The following PTPN13 variants were observed in gnomAD, a reference collection of about 807,000 sequenced individuals.
The protein encoded by PTPN13 is protein tyrosine phosphatase non-receptor type 13.
Under a neutral mutation model 284.0 loss-of-function variants are expected in PTPN13, and 191 were observed. The observed-to-expected ratio is 0.67, with a 90% CI of 0.60 to 0.76. The LOEUF is 0.76. Among genes scored for constraint, PTPN13 ranks in the 30% least tolerant of loss-of-function variants. PTPN13 has a pLI of 0.00. For missense variants in PTPN13, 2,797 were observed against 2,939.9 expected, an observed-to-expected ratio of 0.95 and a Z score of 1.12; for synonymous variants, 986 against 1,022.3, an observed-to-expected ratio of 0.96 and a Z score of 0.68.
At chr4:86,649,304 C>T (rs936431538) in intron 2 of PTPN13, among the ~76,000 whole-genome samples, 4 of 152,098 alleles carry the variant, frequency 2.6e-5, no homozygotes, top group East Asian at 3.8e-4. Flanking sequence ...TCTTTGTGCA[C>T]GCCAGTGACC....
At chr4:86,705,190 C>T (rs1467444062) in intron 7 of PTPN13, among the ~76,000 whole-genome samples, 1 of 151,848 alleles carries the variant, frequency 6.6e-6, no homozygotes, top group African/African-American at 2.4e-5. Flanking sequence ...AAAAATTAGC[C>T]TGGTGTGGTG....
intron 12 of PTPN13, among the ~76,000 whole-genome samples, chr4:86,733,875 A>G (rs1388306970): frequency 2.0e-5 from 3 of 152,194 alleles, no homozygotes; most frequent in African/African-American, 7.2e-5. Flanking sequence ...TAAGTATACT[A>G]GCTAATATTT....
chr4:86,761,644 A>G (rs1482459808), intron 23 of PTPN13, among the ~76,000 whole-genome samples: 2 of 152,216 alleles, frequency 1.3e-5, no homozygotes. Flanking sequence ...ATTAAACTGC[A>G]GGTCCCTGAG....
intron 5 of PTPN13, among the ~76,000 whole-genome samples, chr4:86,692,104 T>G (rs1730090448): frequency 6.6e-6 from 1 of 152,200 alleles, no homozygotes; most frequent in Non-Finnish European, 1.5e-5. Context: ...ATTTATAATA[T>G]GAGGATAATA....
chr4:86,716,498 G>A (rs747657931), intron 7 of PTPN13, 32 bp from the exon 8 acceptor site: 1 of 1,305,156 alleles, frequency 7.7e-7, no homozygotes, highest in Non-Finnish European at 1.1e-6. Flanking sequence ...TAATGAGTTT[G>A]CTTTCTAATC....
rs564248193 is a variant in PTPN13, at chr4:86,758,134, T to C, written c.3224-126T>C. On this transcript the variant is annotated intron_variant, in intron 20 of 47. Transcript: ENST00000411767. ...TAAAATGTTAACAGTATCAGTAAAC[T>C]TAAAATATATGTTTAAGTGACTGAG... The C allele has an allele frequency of 3.6e-5, 20 of 563,242 alleles. 1 individual carries two copies. The South Asian group carries it at 6.7e-4, about 19-fold the overall frequency. 34.9% of individuals were successfully genotyped at this position (563,242 alleles called of 1,614,324 possible). A position where few individuals can be genotyped will look rare whatever the true frequency, so the allele number is the denominator to read the frequency against.
intron 7 of PTPN13, among the ~76,000 whole-genome samples, chr4:86,707,023 C>G (rs2149032679): frequency 6.6e-6 from 1 of 152,268 alleles, no homozygotes; most frequent in South Asian, 2.1e-4. Context: ...ACAAATGTCT[C>G]TTTCTGTCTT....
At chr4:86,808,527 A>G (rs1317159183) in intron 45 of PTPN13, among the ~76,000 whole-genome samples, 2 of 152,228 alleles carry the variant, frequency 1.3e-5, no homozygotes, top group Non-Finnish European at 2.9e-5. Flanking sequence ...AAATTTAGCT[A>G]TCTTAAGGAA....
intron 25 of PTPN13, 55 bp downstream of exon 25, chr4:86,764,779 A>G (rs761613356): frequency 2.6e-6 from 4 of 1,539,020 alleles, no homozygotes; most frequent in South Asian, 1.3e-5. Context: ...CCAGCAGCCT[A>G]TTGTATGTCA....
intron 5 of PTPN13, among the ~76,000 whole-genome samples, chr4:86,691,138 G>A (rs1250356108): frequency 6.6e-6 from 1 of 151,668 alleles, no homozygotes; most frequent in Non-Finnish European, 1.5e-5. Flanking sequence ...GAGATGGGAG[G>A]ACTACTTGAG....
At chr4:86,695,440 T>C (rs1170353411) in intron 6 of PTPN13, among the ~76,000 whole-genome samples, 1 of 152,060 alleles carries the variant, frequency 6.6e-6, no homozygotes, top group African/African-American at 2.4e-5. Flanking sequence ...GTGTAAACTT[T>C]AGCACTAATA....
At chr4:86,646,972 A>G (rs1218477847) in intron 2 of PTPN13, among the ~76,000 whole-genome samples, 1 of 152,232 alleles carries the variant, frequency 6.6e-6, no homozygotes, top group Non-Finnish European at 1.5e-5. Context: ...AAAAAATAGT[A>G]CATTCTATAT....
intron 2 of PTPN13, among the ~76,000 whole-genome samples, chr4:86,658,286 A>G (rs1019638856): frequency 6.6e-6 from 1 of 152,206 alleles, no homozygotes; most frequent in African/African-American, 2.4e-5. Flanking sequence ...CTCCATGCAC[A>G]TAGACTCTGT....
chr4:86,616,784 A>T (rs868488633), intron 1 of PTPN13, among the ~76,000 whole-genome samples: 1 of 152,170 alleles, frequency 6.6e-6, no homozygotes, highest in Non-Finnish European at 1.5e-5. Context: ...TATAAAGCCT[A>T]CAGAACCATG....
chr4:86,701,237 C>A lies in PTPN13; in HGVS notation c.635-4C>A. ...GCATACATGATAGATTCTTATCATT[C>A]CAGGAAGAAGCTCTACTTCTGATGT... On this transcript the variant is annotated splice_region_variant and splice_polypyrimidine_tract_variant and intron_variant, in intron 6 of 47. Coordinates refer to ENST00000411767, the MANE Select transcript of PTPN13 (RefSeq NM_080683.3). The A allele has an allele frequency of 6.5e-7, 1 of 1,539,170 alleles. No homozygotes were observed. Among genetic ancestry groups the A allele is most frequent in the Non-Finnish European group, 8.7e-7 (1 of 1,144,964 alleles).
In PTPN13 at chr4:86,694,040, C is replaced by T. The variant is rs1049890550; in HGVS notation, c.634+366C>T. Among the ~76,000 whole-genome samples the T allele has an allele frequency of 4.0e-5, 6 of 151,040 alleles. No homozygotes were observed. In the South Asian group the frequency reaches 8.3e-4, roughly 21 times the overall value. On this transcript the variant is annotated intron_variant, in intron 6 of 47. Transcript: ENST00000411767. ...TTTATGAACATAAACACTACTGAAACAAAAGTTTCAGAAAACGTTTTTCTT... is the reference window on the plus strand; with the variant it reads ...TTTATGAACATAAACACTACTGAAATAAAAGTTTCAGAAAACGTTTTTCTT...
chr4:86,611,213 G>A (rs1435917774), intron 1 of PTPN13, among the ~76,000 whole-genome samples: 1 of 152,208 alleles, frequency 6.6e-6, no homozygotes, highest in African/African-American at 2.4e-5. Flanking sequence ...ATCACTTTGT[G>A]ATTTATTTAC....
chr4:86,607,961 A>C lies in PTPN13; in HGVS notation c.-6+13172A>C, dbSNP rs139472992. Among the ~76,000 whole-genome samples, 888 of 152,170 alleles carry C rather than the reference A, an allele frequency of 5.8e-3. 7 individuals carry two copies. Among genetic ancestry groups the C allele is most frequent in the African/African-American group, 0.019 (794 of 41,560 alleles). On this transcript the variant is annotated intron_variant, in intron 1 of 47. Coordinates refer to ENST00000411767, the MANE Select transcript of PTPN13 (RefSeq NM_080683.3). ...GCTCATCACAGCATTATTTGTAGTA[A>C]TATAAAATTGGAAACAAATAGCTTA...
At chr4:86,638,102 T>A (rs1276835077) in intron 2 of PTPN13, among the ~76,000 whole-genome samples, 2 of 152,014 alleles carry the variant, frequency 1.3e-5, no homozygotes, top group Non-Finnish European at 2.9e-5. Flanking sequence ...AATAAAATAC[T>A]TAGGAATCCA....
Sources: allele counts gnomAD v4.1 joint callset (sites outside exome capture counted in the v4.1 genomes callset), GRCh38; gene constraint gnomAD v4.1.1; transcripts MANE v1.5; gene names NCBI Gene and HGNC (gene_info 2026-07-23, HGNC 2026-07-21).